Variants in ERC2 observed in about 807,000 individuals in gnomAD.
The protein encoded by ERC2 is ERC protein 2.
In ERC2, 42 loss-of-function variants were observed where a neutral mutation model predicts 114.8. That is an observed-to-expected ratio of 0.37 (90% CI 0.29 to 0.47). The LOEUF is 0.47. Ranked by LOEUF, ERC2 falls within the 20% of genes least tolerant of loss-of-function variation. ERC2 has a pLI of 0.99. For synonymous variants in ERC2, 454 were observed against 425.5 expected (o/e 1.07, Z -0.82); for missense variants, 939 against 1,150.7 (o/e 0.82, Z 2.66).
chr3:56,348,741 G>T (rs1274374794), intron 2 of ERC2, among the ~76,000 whole-genome samples: 4 of 151,564 alleles, frequency 2.6e-5, no homozygotes, highest in African/African-American at 9.7e-5. Context: ...CCATTTTCTT[G>T]ACAAAGATTT....
At chr3:56,038,945 G>A (rs778717603) in intron 7 of ERC2, among the ~76,000 whole-genome samples, 1 of 152,172 alleles carries the variant, frequency 6.6e-6, no homozygotes, top group Non-Finnish European at 1.5e-5. Context: ...GGTGGTGGGG[G>A]TTGGGAGAAC....
chr3:56,389,052 T>C (rs183887720), intron 2 of ERC2, among the ~76,000 whole-genome samples: 10 of 152,252 alleles, frequency 6.6e-5, no homozygotes, highest in Non-Finnish European at 1.0e-4. Context: ...GTAATGCATA[T>C]TTTATAGAAC....
rs1012405347 is a variant in ERC2 at position 55,731,093 on chromosome 3, C to T, written c.2712+3678G>A. On this transcript the variant is annotated intron_variant, in intron 15 of 17. Coordinates refer to ENST00000288221, the MANE Select transcript of ERC2 (RefSeq NM_015576.3). Reference sequence around the variant, plus strand: ...GCTGCATATACAAACCAAGTACATGCGCAAGTACAGGCGCTATGGGCCTCT... The same window carrying T: ...GCTGCATATACAAACCAAGTACATGTGCAAGTACAGGCGCTATGGGCCTCT... Among the ~76,000 whole-genome samples the T allele has an allele frequency of 2.6e-5, 4 of 152,180 alleles. No individual in the cohort carries two copies. In the East Asian group the frequency reaches 5.8e-4, roughly 22 times the overall value.
chr3:55,909,354 G>T lies in ERC2; in HGVS notation c.2404-20805C>A, dbSNP rs374783275. On this transcript the variant is annotated intron_variant, in intron 13 of 17. Transcript: ENST00000288221. ...GGTGGCCAAAAGTTTGAGTCCTGGG[G>T]AGTTTTGTACTTCTCTTGATACAGA... 3.9e-5 allele frequency among the ~76,000 whole-genome samples: 6 copies of T among 152,330 alleles called. No homozygotes were observed. The East Asian group carries it at 9.7e-4, about 25-fold the overall frequency.
At chr3:56,237,238 T>C (rs1304257087) in intron 3 of ERC2, among the ~76,000 whole-genome samples, 2 of 152,114 alleles carry the variant, frequency 1.3e-5, no homozygotes, top group Non-Finnish European at 2.9e-5. Flanking sequence ...ATCTCCATCA[T>C]GCCACCAGAT....
At chr3:55,834,804 A>AAATCAATGAAT (rs531213332) in intron 14 of ERC2, among the ~76,000 whole-genome samples, 11 of 100,618 alleles carry the variant, frequency 1.1e-4, no homozygotes, top group Admixed American at 1.9e-4. Context: ...ACCCTTCAAA[A>AAATCAATGAAT]CCAGGAGCTG....
intron 17 of ERC2, among the ~76,000 whole-genome samples, chr3:55,577,560 G>C (rs1559682933): frequency 3.3e-5 from 5 of 152,116 alleles, no homozygotes; most frequent in African/African-American, 1.2e-4. Context: ...CTGCAAGGTG[G>C]GCTGGTGGGA....
chr3:55,920,843 A>C (rs2065384558), intron 13 of ERC2, among the ~76,000 whole-genome samples: 2 of 152,182 alleles, frequency 1.3e-5, no homozygotes, highest in South Asian at 4.1e-4. Context: ...CCAAATTCCT[A>C]TCTTGTTTTT....
chr3:56,333,542 G>A (rs2057722858), intron 2 of ERC2, among the ~76,000 whole-genome samples: 1 of 152,100 alleles, frequency 6.6e-6, no homozygotes. Context: ...AAAATAATTT[G>A]TCTAAAAATA....
intron 3 of ERC2, among the ~76,000 whole-genome samples, chr3:56,274,626 A>G (rs1450255277): frequency 6.6e-6 from 1 of 152,150 alleles, no homozygotes; most frequent in Non-Finnish European, 1.5e-5. Flanking sequence ...AGATTCAAAT[A>G]TTGTTTGTGT....
intron 2 of ERC2, among the ~76,000 whole-genome samples, chr3:56,328,772 A>T (rs2057477301): frequency 6.6e-6 from 1 of 152,204 alleles, no homozygotes; most frequent in Admixed American, 6.5e-5. Flanking sequence ...CAAGAATAAG[A>T]GCCAGATTGG....
At chr3:56,203,203 T>C (rs113761268) in intron 3 of ERC2, among the ~76,000 whole-genome samples, 214 of 152,348 alleles carry the variant, frequency 1.4e-3, no homozygotes, top group African/African-American at 5.0e-3. Flanking sequence ...CCATCAAGAA[T>C]GGGATCACCC....
intron 6 of ERC2, among the ~76,000 whole-genome samples, chr3:56,097,347 C>T (rs530223646): frequency 1.3e-5 from 2 of 150,252 alleles, no homozygotes; most frequent in African/African-American, 2.4e-5. Flanking sequence ...TTATTGCTCA[C>T]TTTTTTTTTT....
At chr3:55,770,803 C>A (rs568902517) in intron 14 of ERC2, among the ~76,000 whole-genome samples, 2 of 151,920 alleles carry the variant, frequency 1.3e-5, no homozygotes, top group Non-Finnish European at 2.9e-5. Flanking sequence ...CCTTGCCCCC[C>A]ACCCCTGACA....
At chr3:56,335,319 C>T (rs2057800190) in intron 2 of ERC2, among the ~76,000 whole-genome samples, 1 of 152,156 alleles carries the variant, frequency 6.6e-6, no homozygotes, top group Admixed American at 6.5e-5. Context: ...TACCTTTCCT[C>T]AAGTTAGTAC....
chr3:55,778,801 C>G (rs1041228770), intron 14 of ERC2, among the ~76,000 whole-genome samples: 1 of 151,802 alleles, frequency 6.6e-6, no homozygotes, highest in South Asian at 2.1e-4. Flanking sequence ...TTCATGCATA[C>G]AAATAATTAG....
chr3:55,899,699 T>C (rs147919153), intron 13 of ERC2, among the ~76,000 whole-genome samples: 70 of 152,288 alleles, frequency 4.6e-4, no homozygotes, highest in African/African-American at 1.7e-3. Context: ...CAATACAATC[T>C]CAACTATGTG....
chr3:55,902,080 C>A (rs2064166902), intron 13 of ERC2, among the ~76,000 whole-genome samples: 1 of 152,174 alleles, frequency 6.6e-6, no homozygotes, highest in Non-Finnish European at 1.5e-5. Context: ...CCCATAGATA[C>A]CACCAGCAGG....
At chr3:56,257,207 T>C (rs6784402) in intron 3 of ERC2, among the ~76,000 whole-genome samples, 105,825 of 152,020 alleles carry the variant, frequency 0.7, 37,887 homozygotes, top group Non-Finnish European at 0.77. Context: ...GACTTTCATC[T>C]ATATATATCT....
Sources: allele counts gnomAD v4.1 joint callset (sites outside exome capture counted in the v4.1 genomes callset), GRCh38; gene constraint gnomAD v4.1.1; transcripts MANE v1.5; gene names NCBI Gene and HGNC (gene_info 2026-07-23, HGNC 2026-07-21).